Variants in NKAIN2 observed in about 807,000 individuals in gnomAD.
NKAIN2 encodes sodium/potassium-transporting ATPase subunit beta-1-interacting protein 2.
Under a neutral mutation model 32.6 loss-of-function variants are expected in NKAIN2, and 14 were observed. That is an observed-to-expected ratio of 0.43 (90% confidence interval 0.28 to 0.67). The LOEUF (loss-of-function observed/expected upper bound fraction) is 0.67. Among genes scored for constraint, NKAIN2 ranks in the 30% least tolerant of loss-of-function variants. The probability of loss-of-function intolerance (pLI) is 0.17; values close to 1 mark genes in which losing one functional copy is unlikely to be tolerated. For synonymous variants in NKAIN2, 80 were observed against 87.2 expected (o/e 0.92, Z 0.46); for missense variants, 198 against 258.3 (o/e 0.77, Z 1.60).
chr6:124,574,828 G>A (rs1781267668), intron 3 of NKAIN2, among the ~76,000 whole-genome samples: 1 of 152,128 alleles, frequency 6.6e-6, no homozygotes, highest in Non-Finnish European at 1.5e-5. Context: ...TATACAGAAT[G>A]CCTAGTACCT....
chr6:124,661,978 G>T (rs1331269931), intron 4 of NKAIN2, among the ~76,000 whole-genome samples: 1 of 152,146 alleles, frequency 6.6e-6, no homozygotes, highest in East Asian at 1.9e-4. Flanking sequence ...AGTCCTCTGA[G>T]GGCAGCAGAA....
chr6:123,851,066 T>C (rs1380372806), intron 1 of NKAIN2, among the ~76,000 whole-genome samples: 1 of 152,014 alleles, frequency 6.6e-6, no homozygotes, highest in African/African-American at 2.4e-5. Flanking sequence ...CGTATAGATA[T>C]CATATTTTCT....
intron 3 of NKAIN2, among the ~76,000 whole-genome samples, chr6:124,470,791 AAAAC>A (rs957172855): frequency 7.5e-4 from 114 of 152,322 alleles, no homozygotes; most frequent in Middle Eastern, 3.4e-3. Flanking sequence ...TTATAGCAAA[AAAAC>A]AAGAACAGAA....
At chr6:124,714,656 G>C (rs1775664487) in intron 4 of NKAIN2, among the ~76,000 whole-genome samples, 1 of 152,154 alleles carries the variant, frequency 6.6e-6, no homozygotes, top group Non-Finnish European at 1.5e-5. Flanking sequence ...AGAAGAAAGT[G>C]GTGTACTTAC....
intron 4 of NKAIN2, among the ~76,000 whole-genome samples, chr6:124,779,794 TCA>T (rs960032737): frequency 1.8e-4 from 28 of 152,118 alleles, no homozygotes; most frequent in East Asian, 1.9e-4. Context: ...CCCAGATGAT[TCA>T]CAGTCAACCA....
chr6:123,851,119 A>G (rs1378756895), intron 1 of NKAIN2, among the ~76,000 whole-genome samples: 3 of 151,712 alleles, frequency 2.0e-5, no homozygotes, highest in Non-Finnish European at 4.4e-5. Context: ...GGTTGATTCC[A>G]TATTATGGCT....
Position 124,004,543 on chromosome 6 carries a change from T to G in NKAIN2, c.54+200289T>G, listed in dbSNP as rs549326287. ...AGGTGAACTTAAAGATTAAAAAAAT[T>G]TTCAGTTTGCTGAGAATGATGGTTT... On this transcript the variant is annotated intron_variant, in intron 1 of 6. Transcript: ENST00000368417. 2.3e-3 allele frequency among the ~76,000 whole-genome samples: 348 copies of G among 151,942 alleles called. 1 individual carries two copies. Among genetic ancestry groups the G allele is most frequent in the African/African-American group, 8.1e-3 (335 of 41,466 alleles).
chr6:124,500,454 G>C (rs187075519), intron 3 of NKAIN2, among the ~76,000 whole-genome samples: 1 of 152,088 alleles, frequency 6.6e-6, no homozygotes, highest in East Asian at 1.9e-4. Flanking sequence ...TTTGAGACTA[G>C]CCTGGCCAAC....
chr6:124,003,281 T>C (rs1562302492), intron 1 of NKAIN2, among the ~76,000 whole-genome samples: 1 of 152,208 alleles, frequency 6.6e-6, no homozygotes, highest in South Asian at 2.1e-4. Flanking sequence ...ACCATGTGCA[T>C]TATTTTTTCT....
intron 1 of NKAIN2, among the ~76,000 whole-genome samples, chr6:124,169,965 T>A (rs1386635298): frequency 6.6e-6 from 1 of 152,118 alleles, no homozygotes; most frequent in East Asian, 1.9e-4. Context: ...GTTAGGGAAC[T>A]TTGGGGTTTT....
chr6:124,414,343 A>T (rs1319025214), intron 3 of NKAIN2, among the ~76,000 whole-genome samples: 2 of 152,192 alleles, frequency 1.3e-5, no homozygotes, highest in African/African-American at 4.8e-5. Context: ...AATTTTAAAC[A>T]GATGCTTGCT....
intron 2 of NKAIN2, among the ~76,000 whole-genome samples, chr6:124,347,844 C>T (rs1046358885): frequency 1.1e-4 from 16 of 152,250 alleles, no homozygotes; most frequent in African/African-American, 3.9e-4. Flanking sequence ...TCGTCAAAGT[C>T]ATTCTCCGTC....
intron 1 of NKAIN2, among the ~76,000 whole-genome samples, chr6:124,199,661 T>G (rs997176030): frequency 3.9e-5 from 6 of 152,158 alleles, no homozygotes; most frequent in African/African-American, 1.2e-4. Flanking sequence ...TCTTAACTGT[T>G]TAAAGATCAC....
At chr6:123,853,924 C>G (rs1037838317) in intron 1 of NKAIN2, among the ~76,000 whole-genome samples, 11 of 152,030 alleles carry the variant, frequency 7.2e-5, no homozygotes, top group African/African-American at 2.2e-4. Flanking sequence ...AGGTGCCCAC[C>G]ACCACACCCG....
chr6:123,845,078 A>G (rs1456155948), intron 1 of NKAIN2, among the ~76,000 whole-genome samples: 1 of 152,242 alleles, frequency 6.6e-6, no homozygotes, highest in Non-Finnish European at 1.5e-5. Context: ...TCAAGGGGTC[A>G]TTGTAGACTT....
intron 1 of NKAIN2, among the ~76,000 whole-genome samples, chr6:124,237,881 G>A (rs1792862144): frequency 6.6e-6 from 1 of 152,090 alleles, no homozygotes; most frequent in African/African-American, 2.4e-5. Context: ...GTTACACTGA[G>A]GAGAAAGATG....
At chr6:124,391,343 C>T (rs115792959) in intron 3 of NKAIN2, among the ~76,000 whole-genome samples, 3,810 of 152,196 alleles carry the variant, frequency 0.025, 145 homozygotes, top group African/African-American at 0.087. Flanking sequence ...ATCACTCTGT[C>T]CTCTTGCCTT....
chr6:124,192,953 G>T (rs1790104365), intron 1 of NKAIN2, among the ~76,000 whole-genome samples: 1 of 151,962 alleles, frequency 6.6e-6, no homozygotes, highest in Non-Finnish European at 1.5e-5. Context: ...GTTTCACCGT[G>T]TTAGCCAGGA....
intron 3 of NKAIN2, chr6:124,437,891 T>TA (rs1491474362): frequency 9.8e-6 from 4 of 408,904 alleles, no homozygotes; most frequent in Non-Finnish European, 1.9e-5. Flanking sequence ...TTTTTTTTTT[T>TA]CTTAACCCCA....
Sources: allele counts gnomAD v4.1 joint callset (sites outside exome capture counted in the v4.1 genomes callset), GRCh38; gene constraint gnomAD v4.1.1; transcripts MANE v1.5; gene names NCBI Gene and HGNC (gene_info 2026-07-23, HGNC 2026-07-21).